The following ARB2A variants were observed in gnomAD, a reference collection of about 807,000 sequenced individuals.
The protein encoded by ARB2A is ARB2 cotranscriptional regulator A, also known as cotranscriptional regulator ARB2A.
chr5:93,999,946 A>G, the ARB2A span, among the ~76,000 whole-genome samples: 1 of 152,062 alleles, frequency 6.6e-6, no homozygotes, highest in African/African-American at 2.4e-5. Flanking sequence ...TTCCACTTAG[A>G]AATATATGGT....
At chr5:94,092,130 T>C in the ARB2A span, among the ~76,000 whole-genome samples, 1 of 150,536 alleles carries the variant, frequency 6.6e-6, no homozygotes, top group South Asian at 2.1e-4. Context: ...AGCAGGAGGA[T>C]CGTTTGACCA....
At chr5:93,958,891 C>A in the ARB2A span, 1 of 1,608,624 alleles carries the variant, frequency 6.2e-7, no homozygotes, top group South Asian at 1.1e-5. Flanking sequence ...GAATTAAAAC[C>A]ATCAGTTTCT....
the ARB2A span, among the ~76,000 whole-genome samples, chr5:94,026,314 G>T: frequency 3.3e-5 from 5 of 152,002 alleles, no homozygotes; most frequent in Admixed American, 3.3e-4. Flanking sequence ...GGCCACAACT[G>T]TTATATCCTT....
chr5:93,818,954 G>A, the ARB2A span, among the ~76,000 whole-genome samples: 1 of 151,958 alleles, frequency 6.6e-6, no homozygotes, highest in Non-Finnish European at 1.5e-5. Context: ...TTGGGAGGCC[G>A]AGACGGGCGG....
the ARB2A span, among the ~76,000 whole-genome samples, chr5:93,855,037 T>G: frequency 6.6e-6 from 1 of 152,156 alleles, no homozygotes; most frequent in Non-Finnish European, 1.5e-5. Flanking sequence ...CTTGTTGATA[T>G]GTCTAATGTT....
the ARB2A span, among the ~76,000 whole-genome samples, chr5:94,031,783 T>C: frequency 6.6e-6 from 1 of 152,210 alleles, no homozygotes. Context: ...TGAATTCCAG[T>C]GCAGCTCTCC....
chr5:93,812,606 T>C, the ARB2A span, among the ~76,000 whole-genome samples: 1 of 152,138 alleles, frequency 6.6e-6, no homozygotes, highest in African/African-American at 2.4e-5. Context: ...GAATGCAGTA[T>C]GGAAATTTGG....
At chr5:94,084,657 A>G in the ARB2A span, among the ~76,000 whole-genome samples, 2 of 152,214 alleles carry the variant, frequency 1.3e-5, no homozygotes, top group African/African-American at 4.8e-5. Flanking sequence ...AAAGCATGCC[A>G]TTAATACTAG....
the ARB2A span, among the ~76,000 whole-genome samples, chr5:93,899,008 A>G: frequency 6.6e-6 from 1 of 152,100 alleles, no homozygotes; most frequent in East Asian, 1.9e-4. Context: ...AGCTCACACC[A>G]TTGACCAATA....
the ARB2A span, among the ~76,000 whole-genome samples, chr5:93,872,332 T>C: frequency 1.3e-5 from 2 of 152,188 alleles, no homozygotes; most frequent in Non-Finnish European, 1.5e-5. Flanking sequence ...AATTTATAGA[T>C]GTAGGAACTG....
At chr5:93,866,253 T>C in the ARB2A span, 26 of 984,676 alleles carry the variant, frequency 2.6e-5, no homozygotes, top group Non-Finnish European at 3.1e-5. Flanking sequence ...ACATTAGAAG[T>C]GAATGAAGTA....
chr5:93,843,495 C>T, the ARB2A span, among the ~76,000 whole-genome samples: 177 of 146,482 alleles, frequency 1.2e-3, 1 homozygote, highest in African/African-American at 4.2e-3. Context: ...GATCACAACT[C>T]GCTGTGAAGC....
chr5:93,815,592 A>G, the ARB2A span, among the ~76,000 whole-genome samples: 1 of 152,116 alleles, frequency 6.6e-6, no homozygotes, highest in Non-Finnish European at 1.5e-5. Context: ...CTATGATAAT[A>G]GCTTATTTCT....
the ARB2A span, chr5:93,733,266 T>A: frequency 6.6e-6 from 1 of 151,422 alleles, no homozygotes; most frequent in Non-Finnish European, 1.5e-5. Flanking sequence ...AGGGGCATGA[T>A]CTTGGCTCAC....
chr5:93,813,692 G>C, the ARB2A span, among the ~76,000 whole-genome samples: 2 of 152,292 alleles, frequency 1.3e-5, no homozygotes, highest in South Asian at 4.1e-4. Context: ...GCCCTCACTA[G>C]AGCCTGGATC....
chr5:93,914,725 A>G, the ARB2A span, among the ~76,000 whole-genome samples: 1 of 151,878 alleles, frequency 6.6e-6, no homozygotes, highest in Non-Finnish European at 1.5e-5. Context: ...TACCTAATCT[A>G]GATCTGTATA....
chr5:93,900,088 T>C, the ARB2A span, among the ~76,000 whole-genome samples: 1 of 152,172 alleles, frequency 6.6e-6, no homozygotes, highest in Admixed American at 6.5e-5. Flanking sequence ...CTTTCAGGAA[T>C]CCATAAATCA....
chr5:93,760,519 C>T, the ARB2A span, among the ~76,000 whole-genome samples: 1 of 152,154 alleles, frequency 6.6e-6, no homozygotes, highest in Non-Finnish European at 1.5e-5. Flanking sequence ...AGGTTACAGT[C>T]ACCAAAACAG....
chr5:93,904,206 C>T, the ARB2A span, among the ~76,000 whole-genome samples: 19 of 151,834 alleles, frequency 1.3e-4, no homozygotes, highest in Non-Finnish European at 2.1e-4. Context: ...ATTGTTTATT[C>T]CTTCGCATAA....
Sources: allele counts gnomAD v4.1 joint callset (sites outside exome capture counted in the v4.1 genomes callset), GRCh38; gene constraint gnomAD v4.1.1; transcripts MANE v1.5; gene names NCBI Gene and HGNC (gene_info 2026-07-23, HGNC 2026-07-21).